Variants in EPB41L2 observed in about 807,000 individuals in gnomAD.
EPB41L2 encodes the protein erythrocyte membrane protein band 4.1 like 2.
In EPB41L2, 43 loss-of-function variants were observed where a neutral mutation model predicts 113.0. That is an observed-to-expected ratio of 0.38 (90% CI 0.30 to 0.49). EPB41L2 has a LOEUF of 0.49. Among genes scored for constraint, EPB41L2 ranks in the 20% least tolerant of loss-of-function variants. The pLI, the probability that EPB41L2 is intolerant of heterozygous loss-of-function variation, is 0.95. For missense variants in EPB41L2, 1,147 were observed against 1,223.4 expected, an observed-to-expected ratio of 0.94 and a Z score of 0.93; for synonymous variants, 442 against 436.7, an observed-to-expected ratio of 1.01 and a Z score of -0.15.
chr6:130,990,115 G>A (rs540222854), intron 1 of EPB41L2, among the ~76,000 whole-genome samples: 2 of 152,314 alleles, frequency 1.3e-5, no homozygotes, highest in Admixed American at 6.5e-5. Flanking sequence ...GAGGTCAGGA[G>A]TTTAAGACCA....
At chr6:130,880,280 G>T in intron 12 of EPB41L2, 74 bp from the exon 13 acceptor site, 1 of 1,042,120 alleles carries the variant, frequency 9.6e-7, no homozygotes, top group Non-Finnish European at 1.5e-6. Context: ...GCACCAAAAT[G>T]ACCCAGAGTT....
chr6:130,892,294 T>C (rs954547366), intron 10 of EPB41L2, among the ~76,000 whole-genome samples: 10 of 142,030 alleles, frequency 7.0e-5, no homozygotes, highest in African/African-American at 2.5e-4. Flanking sequence ...GCATCAGTTG[T>C]CTTGCCTAGG....
At chr6:130,915,993 T>C (rs550684310) in intron 4 of EPB41L2, among the ~76,000 whole-genome samples, 2 of 152,338 alleles carry the variant, frequency 1.3e-5, no homozygotes, top group African/African-American at 4.8e-5. Context: ...TACATACCTA[T>C]TACTTTGTCT....
chr6:130,873,257 A>G (rs1786340244), intron 14 of EPB41L2, among the ~76,000 whole-genome samples: 1 of 152,188 alleles, frequency 6.6e-6, no homozygotes, highest in Non-Finnish European at 1.5e-5. Flanking sequence ...AAGCTCAATG[A>G]GCAACGTGAA....
chr6:130,866,964 C>CTGTGTGTGTT (rs1783951691), intron 16 of EPB41L2, among the ~76,000 whole-genome samples: 1 of 151,508 alleles, frequency 6.6e-6, no homozygotes, highest in South Asian at 2.1e-4. Flanking sequence ...GTGTGTGTGC[C>CTGTGTGTGTT]TGTGTGTGTT....
At chr6:130,868,242 ACT>A (rs1341912987) in intron 15 of EPB41L2, 3 of 152,802 alleles carry the variant, frequency 2.0e-5, no homozygotes, top group Admixed American at 2.0e-4. Context: ...TTCAAGTATT[ACT>A]GTTTTCAGTT....
At chr6:131,048,686 T>C (rs991161137) in intron 1 of EPB41L2, among the ~76,000 whole-genome samples, 2 of 152,216 alleles carry the variant, frequency 1.3e-5, no homozygotes, top group Non-Finnish European at 1.5e-5. Context: ...GACTGGTAAC[T>C]GTTGAAGCCA....
intron 3 of EPB41L2, among the ~76,000 whole-genome samples, chr6:130,950,314 A>C (rs73774328): frequency 0.078 from 11,809 of 152,172 alleles, 658 homozygotes; most frequent in African/African-American, 0.15. Flanking sequence ...AAAAATATAT[A>C]ATGGTAAATC....
intron 19 of EPB41L2, among the ~76,000 whole-genome samples, chr6:130,842,249 GGT>G (rs1775743201): frequency 6.6e-6 from 1 of 152,054 alleles, no homozygotes; most frequent in African/African-American, 2.4e-5. Context: ...GTCTGCCTTA[GGT>G]TATTTCATTA....
intron 1 of EPB41L2, among the ~76,000 whole-genome samples, chr6:130,966,980 A>G (rs953536023): frequency 6.6e-6 from 1 of 152,050 alleles, no homozygotes; most frequent in Non-Finnish European, 1.5e-5. Flanking sequence ...CAAACCCACC[A>G]CTTACCCCCA....
At chr6:131,041,929 A>G (rs1336221398) in intron 1 of EPB41L2, among the ~76,000 whole-genome samples, 1 of 152,222 alleles carries the variant, frequency 6.6e-6, no homozygotes, top group Non-Finnish European at 1.5e-5. Flanking sequence ...TAAGTTTTTT[A>G]GATGTAACAA....
chr6:130,856,874 T>C (rs1582713432), intron 19 of EPB41L2, among the ~76,000 whole-genome samples: 1 of 151,982 alleles, frequency 6.6e-6, no homozygotes, highest in South Asian at 2.1e-4. Context: ...CTCTTGACCA[T>C]TTAGATTATT....
intron 1 of EPB41L2, among the ~76,000 whole-genome samples, chr6:131,043,341 T>G (rs1794800347): frequency 6.6e-6 from 1 of 151,868 alleles, no homozygotes; most frequent in Non-Finnish European, 1.5e-5. Context: ...AATCCAAACA[T>G]CCTTACATTT....
chr6:131,018,814 CA>C (rs1350058207), intron 1 of EPB41L2, among the ~76,000 whole-genome samples: 6 of 152,130 alleles, frequency 3.9e-5, no homozygotes, highest in Admixed American at 3.9e-4. Context: ...TGATTTATAA[CA>C]CTGCTCCTAT....
intron 19 of EPB41L2, among the ~76,000 whole-genome samples, chr6:130,847,068 A>G (rs1225256737): frequency 2.0e-5 from 3 of 152,246 alleles, no homozygotes; most frequent in African/African-American, 7.2e-5. Context: ...ATGGCATGTA[A>G]GACCATCTGC....
At chr6:131,028,135 C>T (rs796202367) in intron 1 of EPB41L2, among the ~76,000 whole-genome samples, 1 of 152,176 alleles carries the variant, frequency 6.6e-6, no homozygotes, top group South Asian at 2.1e-4. Context: ...CTAACACTAC[C>T]AATCTAGAGC....
At chr6:130,972,718 T>C (rs1777149572) in intron 1 of EPB41L2, among the ~76,000 whole-genome samples, 4 of 152,202 alleles carry the variant, frequency 2.6e-5, no homozygotes, top group Admixed American at 2.6e-4. Context: ...AATGGGTCTC[T>C]TGTAAATCGC....
chr6:130,959,629 C>T (rs1818672147), intron 1 of EPB41L2, among the ~76,000 whole-genome samples: 1 of 152,180 alleles, frequency 6.6e-6, no homozygotes. Context: ...CAGCAAGACC[C>T]GAGGACAGGT....
Position 130,878,127 on chromosome 6 carries a change from G to T in EPB41L2, c.2020C>A (p.Pro674Thr). 3 of 1,613,328 alleles carry T rather than the reference G, an allele frequency of 1.9e-6. No homozygotes were observed. The highest frequency in any genetic ancestry group is 1.7e-6 in the Non-Finnish European group (2 of 1,179,712). ...PNEWEKRRIT[P>T]LSLQTQGSSH... ...ACCCCTTGTGTCTGTAGGGACAGAG[G>T]TGTGATACGTCGTTTTTCCCATTCA... is the stretch of plus-strand genomic sequence containing the variant. Residue 674 changes from proline (P) to threonine (T), a missense_variant, in exon 14 of 20, where the codon CCT (proline) becomes ACT (threonine). Transcript: ENST00000337057.
Sources: allele counts gnomAD v4.1 joint callset (sites outside exome capture counted in the v4.1 genomes callset), GRCh38; gene constraint gnomAD v4.1.1; transcripts MANE v1.5; gene names NCBI Gene and HGNC (gene_info 2026-07-23, HGNC 2026-07-21).